The following FAM222B variants were observed in gnomAD, a reference collection of about 807,000 sequenced individuals.
The protein encoded by FAM222B is family with sequence similarity 222 member B.
In FAM222B, 12 loss-of-function variants were observed where a neutral mutation model predicts 38.0. The observed-to-expected ratio is 0.32, with a 90% CI of 0.20 to 0.51. The LOEUF (loss-of-function observed/expected upper bound fraction) is 0.51, where lower values mean the gene tolerates loss of function less well. Among genes scored for constraint, FAM222B ranks in the 20% least tolerant of loss-of-function variants. The pLI is 0.97. For synonymous variants in FAM222B, 329 were observed against 317.2 expected (o/e 1.04, Z -0.40); for missense variants, 716 against 754.2 (o/e 0.95, Z 0.59).
rs530739801 is a variant in FAM222B at position 28,841,023 on chromosome 17, G to A, written c.-41+1659C>T. Reference sequence around the variant, plus strand: ...TAAAGATAACAAAATAGCCAGGCACGGTGGCTCACGCCTGTAATCCCGGCA... The same window carrying A: ...TAAAGATAACAAAATAGCCAGGCACAGTGGCTCACGCCTGTAATCCCGGCA... On this transcript the variant is annotated intron_variant, in intron 1 of 2. Coordinates refer to ENST00000581407, the MANE Select transcript of FAM222B (RefSeq NM_001077498.3). 6.6e-5 allele frequency among the ~76,000 whole-genome samples: 10 copies of A among 152,152 alleles called. No individual in the cohort carries two copies. In the East Asian group the frequency reaches 1.4e-3, roughly 21 times the overall value.
At chr17:28,797,942 A>G (rs1184984289) in intron 1 of FAM222B, among the ~76,000 whole-genome samples, 1 of 152,068 alleles carries the variant, frequency 6.6e-6, no homozygotes, top group East Asian at 1.9e-4. Flanking sequence ...CTTTGGTCCC[A>G]GCTCCACAGG....
rs1450388668 is a variant in FAM222B, at chr17:28,830,237, C to T, written c.-41+12445G>A. Among the ~76,000 whole-genome samples the T allele has an allele frequency of 3.3e-5, 5 of 151,078 alleles. No individual in the cohort carries two copies. The East Asian group carries it at 5.9e-4, about 18-fold the overall frequency. On this transcript the variant is annotated intron_variant, in intron 1 of 2. Coordinates refer to ENST00000581407, the MANE Select transcript of FAM222B (RefSeq NM_001077498.3). ...AGTGCAGTGGCGCGATCTTGGCTCACCACAAGCTCCGCCTCCCAGGTTTAC... is the reference window on the plus strand; with the variant it reads ...AGTGCAGTGGCGCGATCTTGGCTCATCACAAGCTCCGCCTCCCAGGTTTAC...
intron 1 of FAM222B, among the ~76,000 whole-genome samples, chr17:28,851,465 C>T (rs1175278043): frequency 6.6e-6 from 1 of 151,352 alleles, no homozygotes; most frequent in African/African-American, 2.4e-5. Flanking sequence ...ACCCGGGAGG[C>T]AGAGGTTGCA....
At chr17:28,833,887 TG>T (rs1303267155) in intron 1 of FAM222B, among the ~76,000 whole-genome samples, 1 of 152,212 alleles carries the variant, frequency 6.6e-6, no homozygotes, top group African/African-American at 2.4e-5. Context: ...GGAAGCCTAT[TG>T]GATTTCCCAG....
chr17:28,770,983 T>A (rs966534133), intron 1 of FAM222B, among the ~76,000 whole-genome samples: 2 of 151,468 alleles, frequency 1.3e-5, no homozygotes, highest in South Asian at 2.1e-4. Context: ...TGTGTGTATA[T>A]ATATGTGTGT....
intron 2 of FAM222B, among the ~76,000 whole-genome samples, chr17:28,765,999 G>A (rs185428362): frequency 2.1e-3 from 322 of 152,206 alleles, no homozygotes; most frequent in Admixed American, 5.5e-3. Flanking sequence ...TGGACTGTGA[G>A]TTTTCATTCA....
chr17:28,796,244 G>A (rs2036933513), intron 1 of FAM222B, among the ~76,000 whole-genome samples: 1 of 152,188 alleles, frequency 6.6e-6, no homozygotes, highest in Non-Finnish European at 1.5e-5. Context: ...CCTAAGCGGA[G>A]GGAAGCTGTA....
intron 1 of FAM222B, among the ~76,000 whole-genome samples, chr17:28,833,612 C>CAAAA (rs370065990): frequency 2.2e-4 from 16 of 73,064 alleles, no homozygotes; most frequent in Non-Finnish European, 3.8e-4. Context: ...GACTTTGTCT[C>CAAAA]AAAAAAAAAA....
chr17:28,837,050 A>T (rs1365463110), intron 1 of FAM222B, among the ~76,000 whole-genome samples: 19 of 152,164 alleles, frequency 1.2e-4, no homozygotes, highest in Admixed American at 1.2e-3. Context: ...CGGGCAGTGG[A>T]GGCTGCAGTG....
intron 2 of FAM222B, among the ~76,000 whole-genome samples, chr17:28,762,398 C>A (rs936070452): frequency 6.7e-5 from 10 of 148,800 alleles, no homozygotes; most frequent in Admixed American, 6.0e-4. Context: ...GAGGCCGAGG[C>A]GGGTGGATCA....
intron 1 of FAM222B, among the ~76,000 whole-genome samples, chr17:28,770,967 AAT>A (rs2035601414): frequency 6.6e-6 from 1 of 151,134 alleles, no homozygotes; most frequent in African/African-American, 2.4e-5. Context: ...TGTGTGTATA[AAT>A]ATGTGTGTGT....
intron 1 of FAM222B, among the ~76,000 whole-genome samples, chr17:28,793,052 A>C (rs1173180452): frequency 2.0e-5 from 3 of 149,676 alleles, no homozygotes; most frequent in African/African-American, 4.9e-5. Context: ...AACCCCCAAC[A>C]CCCCCACCCA....
intron 1 of FAM222B, among the ~76,000 whole-genome samples, chr17:28,850,520 G>C (rs1015472412): frequency 6.6e-6 from 1 of 151,984 alleles, no homozygotes; most frequent in Middle Eastern, 3.2e-3. Flanking sequence ...GGATGGTCTC[G>C]ATCTCCTGAC....
chr17:28,758,877 T>C lies in FAM222B; in HGVS notation c.1082A>G (p.Lys361Arg). Reference sequence around the variant, plus strand: ...CTGGTGCTGGTTCCAGGTGACTGGCTTGAGGTCGCTAGGGTAGCCAGTGGG... The same window carrying C: ...CTGGTGCTGGTTCCAGGTGACTGGCCTGAGGTCGCTAGGGTAGCCAGTGGG... ...RVPTGYPSDL[K>R]PVTWNQHQLA... The change falls in exon 3 of 3, where the codon AAG becomes AGG. Residue 361 changes from lysine (K) to arginine (R), a missense_variant. Lys to Arg is a conservative substitution (Grantham distance 26). Coordinates refer to ENST00000581407, the MANE Select transcript of FAM222B (RefSeq NM_001077498.3). 2 of 1,607,812 alleles carry C rather than the reference T, an allele frequency of 1.2e-6. No homozygotes were observed. Among genetic ancestry groups the C allele is most frequent in the Non-Finnish European group, 1.7e-6 (2 of 1,177,808 alleles).
intron 1 of FAM222B, among the ~76,000 whole-genome samples, chr17:28,838,070 A>G (rs994599935): frequency 3.2e-4 from 48 of 151,848 alleles, no homozygotes; most frequent in Non-Finnish European, 8.8e-5. Flanking sequence ...GTTCGAGACC[A>G]GACTGGCCAG....
chr17:28,805,489 C>T (rs142621778), intron 1 of FAM222B, among the ~76,000 whole-genome samples: 2,831 of 152,004 alleles, frequency 0.019, 52 homozygotes, highest in Admixed American at 0.054. Flanking sequence ...GAGCCGAGAT[C>T]ATGCCACTGA....
chr17:28,845,502 T>C (rs28847895), upstream of FAM222B, among the ~76,000 whole-genome samples: 38,073 of 143,676 alleles, frequency 0.26, 5,230 homozygotes, highest in African/African-American at 0.37. Flanking sequence ...TGGCATGAAC[T>C]GGGAAGCGGA....
At chr17:28,780,572 T>C (rs2036124490) in intron 1 of FAM222B, among the ~76,000 whole-genome samples, 1 of 151,620 alleles carries the variant, frequency 6.6e-6, no homozygotes, top group Non-Finnish European at 1.5e-5. Context: ...GAAAGACCCA[T>C]ACACTAATAA....
intron 2 of FAM222B, among the ~76,000 whole-genome samples, chr17:28,766,084 T>G (rs930843857): frequency 1.3e-5 from 2 of 152,164 alleles, no homozygotes; most frequent in Non-Finnish European, 2.9e-5. Context: ...CTGAAGCTCT[T>G]TATAGTTTTG....
Sources: gnomAD v4.1 joint callset for allele counts (sites outside exome capture counted in the v4.1 genomes callset) on GRCh38, gnomAD v4.1.1 for gene constraint, MANE v1.5 for transcripts, NCBI Gene and HGNC (gene_info 2026-07-23, HGNC 2026-07-21) for gene names.